Variants in DGKZ observed in about 807,000 individuals in gnomAD.
The protein encoded by DGKZ is DAG kinase zeta.
A neutral mutation model predicts 142.5 loss-of-function variants in DGKZ; 45 were observed. That is an observed-to-expected ratio of 0.32 (90% confidence interval 0.25 to 0.40). The LOEUF (loss-of-function observed/expected upper bound fraction) is 0.40. DGKZ is among the 10% of genes least tolerant of loss of function. The pLI, the probability that DGKZ is intolerant of heterozygous loss-of-function variation, is 1.00. For synonymous variants in DGKZ, 442 were observed against 527.0 expected (o/e 0.84, Z 2.21); for missense variants, 755 against 1,306.5 (o/e 0.58, Z 6.51).
Position 46,378,506 on chromosome 11 carries a change from A to AGCTCCAG in DGKZ, c.2418+14_2418+20dup. On this transcript the variant is annotated splice_region_variant and intron_variant, in intron 27 of 30. Transcript: ENST00000527911. ...AGAGGAACGACTTCTGTAAGGTACT[A>AGCTCCAG]GCTCCAGGCTCCAGTTCCTTCCCCC... The AGCTCCAG allele has an allele frequency of 6.2e-7, 1 of 1,612,998 alleles. No homozygotes were observed. The highest frequency in any genetic ancestry group is 8.5e-7 in the Non-Finnish European group (1 of 1,179,820).
At chr11:46,369,388 TC>T (rs2136472409) in intron 4 of DGKZ, 105 bp from the exon 5 acceptor site, 1 of 1,386,844 alleles carries the variant, frequency 7.2e-7, no homozygotes, top group Non-Finnish European at 1.0e-6. Context: ...TTTGGGGGTA[TC>T]CCCACCTTGT....
intron 1 of DGKZ, among the ~76,000 whole-genome samples, chr11:46,338,269 G>C (rs559614279): frequency 6.6e-6 from 1 of 152,222 alleles, no homozygotes; most frequent in South Asian, 2.1e-4. Flanking sequence ...GGCTGAGGCA[G>C]GTGGATCACC....
intron 1 of DGKZ, among the ~76,000 whole-genome samples, chr11:46,357,336 G>A (rs1197572001): frequency 6.6e-6 from 1 of 152,114 alleles, no homozygotes; most frequent in Non-Finnish European, 1.5e-5. Flanking sequence ...AGAAAGCCAT[G>A]GAGAACATGG....
At chr11:46,375,579 G>T in exon 20 of DGKZ, 8 of 1,591,312 alleles carry the variant, frequency 5.0e-6, no homozygotes, top group Non-Finnish European at 6.8e-6. Context: ...GCGCAACCAG[G>T]CCACCATGGT....
chr11:46,377,392 T>A (rs546584271), intron 25 of DGKZ, 180 bp downstream of exon 25: 4 of 1,195,782 alleles, frequency 3.3e-6, no homozygotes, highest in Non-Finnish European at 4.5e-6. Context: ...CGGCCTCACG[T>A]CCACCCTGGT....
chr11:46,349,798 T>C (rs1490099920), intron 1 of DGKZ, among the ~76,000 whole-genome samples: 1 of 152,208 alleles, frequency 6.6e-6, no homozygotes, highest in Admixed American at 6.5e-5. Flanking sequence ...TGAAGTCAAG[T>C]TGGTGTGATT....
chr11:46,379,614 C>A, intron 30 of DGKZ, 46 bp downstream of exon 30: 1 of 1,531,814 alleles, frequency 6.5e-7, no homozygotes, highest in Non-Finnish European at 8.9e-7. Flanking sequence ...CCAACCAAAC[C>A]TTTCCCAAGG....
At chr11:46,378,122 C>T in intron 25 of DGKZ, 76 bp from the exon 26 acceptor site, 2 of 1,525,916 alleles carry the variant, frequency 1.3e-6, no homozygotes, top group Non-Finnish European at 1.8e-6. Flanking sequence ...GATGAAGATG[C>T]CCCCAGTTGG....
At position 46,353,364 on chromosome 11, in the gene DGKZ, C is replaced by T. The variant is rs139453211; in HGVS notation, c.161+5544C>T. ...AGACCTAAGAAGAGGTTTGAGTGCT[C>T]CATGGGGTTTAGTGAAAGGTCTTTG... On this transcript the variant is annotated intron_variant, in intron 1 of 30. Coordinates refer to ENST00000527911, the Ensembl canonical transcript of DGKZ. Among the ~76,000 whole-genome samples, 20 of 152,272 alleles carry T rather than the reference C, an allele frequency of 1.3e-4. 1 individual carries two copies.
At chr11:46,374,406 C>T (rs774055150) in exon 16 of DGKZ, 2 of 1,614,086 alleles carry the variant, frequency 1.2e-6, no homozygotes, top group Non-Finnish European at 1.7e-6. Flanking sequence ...CAGAGGCCAA[C>T]CCAGAGAAAT....
Position 46,372,541 on chromosome 11 carries a change from A to T in DGKZ, c.1010+31A>T, listed in dbSNP as rs1197113829. 2.5e-6 allele frequency: 4 copies of T among 1,613,804 alleles called. No individual in the cohort carries two copies. The highest frequency in any genetic ancestry group is 3.4e-6 in the Non-Finnish European group (4 of 1,179,892). The stretch of plus-strand genomic sequence containing the variant: ...TACTTGCCAAGGTTTTGTGGGGGAC[A>T]TGGGGGGGAACTTGCCTCACTCCTG... On this transcript the variant is annotated intron_variant, in intron 11 of 30. Coordinates refer to ENST00000527911, the Ensembl canonical transcript of DGKZ. The surrounding 1 kb of genome is among the most constrained non-coding windows in gnomAD (Gnocchi z 5.9).
intron 1 of DGKZ, among the ~76,000 whole-genome samples, chr11:46,360,212 C>T (rs987342262): frequency 2.0e-5 from 3 of 151,938 alleles, no homozygotes; most frequent in African/African-American, 7.3e-5. Context: ...TTTTTGCTAA[C>T]TTTTTTTTAG....
chr11:46,375,706 T>C, intron 20 of DGKZ, 75 bp downstream of exon 20: 2 of 1,511,936 alleles, frequency 1.3e-6, no homozygotes, highest in Admixed American at 4.0e-5. Flanking sequence ...TTTCCCCATC[T>C]GTAAAAGGGG....
upstream of DGKZ, chr11:46,347,265 C>CGGGCT (rs1330156271): frequency 1.0e-6 from 1 of 973,124 alleles, no homozygotes; most frequent in Non-Finnish European, 1.2e-6. The surrounding 1 kb of genome is among the most constrained non-coding windows in gnomAD (Gnocchi z 6.4). Context: ...CGGGCCGGGC[C>CGGGCT]GGGCTGGGGG....
rs1474814747 is a variant in DGKZ, at chr11:46,367,032, G to A, written c.162-259G>A. The A allele has an allele frequency of 6.8e-7, 1 of 1,478,294 alleles. No homozygotes were observed. The highest frequency in any genetic ancestry group is 8.9e-7 in the Non-Finnish European group (1 of 1,118,784). The allele number at this position is 1,478,294 out of a possible 1,614,324, so 91.6% of individuals were successfully genotyped here. On this transcript the variant is annotated intron_variant, in intron 1 of 30. Coordinates refer to ENST00000527911, the Ensembl canonical transcript of DGKZ. The surrounding 1 kb of genome is among the most constrained non-coding windows in gnomAD (Gnocchi z 4.1). ...GGGCGAGTGGTGTGACCTCCTGTGG[G>A]TCTGGCCTGGGCATGGGCCTTGAAG...
At chr11:46,351,762 G>A (rs1450339999) in intron 1 of DGKZ, among the ~76,000 whole-genome samples, 1 of 152,184 alleles carries the variant, frequency 6.6e-6, no homozygotes, top group African/African-American at 2.4e-5. Flanking sequence ...TCATCTCACT[G>A]TGTTTGCTCC....
intron 1 of DGKZ, among the ~76,000 whole-genome samples, chr11:46,350,539 G>C (rs989643579): frequency 6.6e-6 from 1 of 151,998 alleles, no homozygotes; most frequent in Non-Finnish European, 1.5e-5. Flanking sequence ...CAGCCTTGGG[G>C]TTGAGGGGCC....
intron 1 of DGKZ, chr11:46,338,753 C>T (rs1344147259): frequency 2.0e-5 from 3 of 152,132 alleles, no homozygotes; most frequent in Non-Finnish European, 4.4e-5. Context: ...AGCCCTGCCC[C>T]TTCCTAGTTG....
chr11:46,341,916 G>A (rs1046860377), intron 1 of DGKZ, among the ~76,000 whole-genome samples: 3 of 152,146 alleles, frequency 2.0e-5, no homozygotes, highest in African/African-American at 7.2e-5. Flanking sequence ...ACAAAGAGGC[G>A]GAAAAGCAAG....
Sources: allele counts gnomAD v4.1 joint callset (sites outside exome capture counted in the v4.1 genomes callset), GRCh38; gene constraint gnomAD v4.1.1; non-coding constraint Gnocchi (gnomAD v3.1); transcripts MANE v1.5; gene names NCBI Gene and HGNC (gene_info 2026-07-23, HGNC 2026-07-21).